POC5: variants seen among roughly 807,000 people sequenced by gnomAD.
POC5 encodes centrosomal protein POC5.
In POC5, 48 loss-of-function variants were observed where a neutral mutation model predicts 62.9. The ratio of observed to expected loss-of-function variants is 0.76; its 90% confidence interval spans 0.61 to 0.97. The LOEUF (loss-of-function observed/expected upper bound fraction) is 0.97, where lower values mean the gene tolerates loss of function less well. Among genes scored for constraint, POC5 ranks in the 50% least tolerant of loss-of-function variants. The pLI is 0.00. For synonymous variants in POC5, 236 were observed against 228.2 expected, an observed-to-expected ratio of 1.03 and a Z score of -0.31; for missense variants, 696 against 679.5, an observed-to-expected ratio of 1.02 and a Z score of -0.27.
At chr5:75,702,024 T>C (rs1016874795) in intron 5 of POC5, among the ~76,000 whole-genome samples, 1 of 152,156 alleles carries the variant, frequency 6.6e-6, no homozygotes, top group Non-Finnish European at 1.5e-5. Flanking sequence ...CAATGGAGCA[T>C]GTAGAACCGT....
intron 5 of POC5, among the ~76,000 whole-genome samples, chr5:75,699,916 C>T (rs1196402132): frequency 6.6e-6 from 1 of 151,790 alleles, no homozygotes; most frequent in Non-Finnish European, 1.5e-5. Flanking sequence ...CATTCTTATA[C>T]ATCAACAACA....
intron 10 of POC5, among the ~76,000 whole-genome samples, chr5:75,679,091 TATCTC>T (rs1316769155): frequency 5.9e-5 from 9 of 152,318 alleles, no homozygotes; most frequent in South Asian, 2.1e-4. Context: ...TATAGATACT[TATCTC>T]AGAGTGTAAA....
chr5:75,690,807 A>T (rs892250118), intron 7 of POC5, among the ~76,000 whole-genome samples: 2 of 152,224 alleles, frequency 1.3e-5, no homozygotes, highest in African/African-American at 4.8e-5. Context: ...TATCCATTAC[A>T]TCATTGCTTT....
At chr5:75,715,194 C>T (rs1777502798) in intron 1 of POC5, among the ~76,000 whole-genome samples, 1 of 151,486 alleles carries the variant, frequency 6.6e-6, no homozygotes, top group Non-Finnish European at 1.5e-5. Flanking sequence ...CCTGTAGTCC[C>T]AGCTACTTGG....
rs752837507 is a variant in POC5 at position 75,690,431 on chromosome 5, T to C, written c.927A>G (p.Glu309=). Reference sequence around the variant, plus strand: ...CATTGGAAATCTGGATACAAACTTCTTCAGCTCTTGCTTGACAAGCTCTTT... The same window carrying C: ...CATTGGAAATCTGGATACAAACTTCCTCAGCTCTTGCTTGACAAGCTCTTT... ...VVERACQARA[E]EVCIQISNDY... Residue 309 remains glutamate (E), a synonymous_variant, in exon 8 of 12, where the codon GAA becomes GAG. Transcript: ENST00000428202. The C allele has an allele frequency of 4.6e-5, 74 of 1,612,528 alleles. No individual in the cohort carries two copies. The highest frequency in any genetic ancestry group is 3.3e-4 in the Middle Eastern group (2 of 6,060).
At chr5:75,691,606 A>G (rs1776341235) in intron 7 of POC5, among the ~76,000 whole-genome samples, 3 of 152,196 alleles carry the variant, frequency 2.0e-5, no homozygotes, top group Admixed American at 2.0e-4. Context: ...CATTTTGGAT[A>G]AGGGATACTC....
chr5:75,714,024 T>G (rs1777451612), intron 1 of POC5, among the ~76,000 whole-genome samples: 1 of 152,218 alleles, frequency 6.6e-6, no homozygotes, highest in Admixed American at 6.5e-5. Flanking sequence ...TATTGAAATA[T>G]TTTTTAAAAG....
At chr5:75,700,730 A>C (rs1277888053) in intron 5 of POC5, among the ~76,000 whole-genome samples, 1 of 141,130 alleles carries the variant, frequency 7.1e-6, no homozygotes, top group Admixed American at 7.1e-5. Context: ...GGATCTAATT[A>C]AACTAAAGAG....
chr5:75,679,257 T>G (rs960050745), intron 10 of POC5, among the ~76,000 whole-genome samples: 1 of 152,190 alleles, frequency 6.6e-6, no homozygotes, highest in African/African-American at 2.4e-5. Flanking sequence ...TTATAACATT[T>G]ACTTATTTTG....
chr5:75,697,393 G>A (rs1204302683), intron 5 of POC5, among the ~76,000 whole-genome samples: 3 of 152,104 alleles, frequency 2.0e-5, no homozygotes, highest in South Asian at 4.2e-4. Context: ...GAGAGTGGGG[G>A]CCAATATTCA....
Position 75,681,967 on chromosome 5 carries a change from C to G in POC5, c.1407+3240G>C, listed in dbSNP as rs912607338. ...ACAAAAACACATATTTGAGGTAAAT[C>G]TGAGTATTTCAACTATATAAGGAAG... On this transcript the variant is annotated intron_variant, in intron 10 of 11. Coordinates refer to ENST00000428202, the MANE Select transcript of POC5 (RefSeq NM_001099271.2). Among the ~76,000 whole-genome samples the G allele has an allele frequency of 9.8e-5, 15 of 152,286 alleles. No homozygotes were observed. The South Asian group carries it at 2.9e-3, about 29-fold the overall frequency.
At chr5:75,675,593 TTTC>T (rs1414485853) in intron 11 of POC5, among the ~76,000 whole-genome samples, 2 of 152,218 alleles carry the variant, frequency 1.3e-5, no homozygotes, top group African/African-American at 2.4e-5. Flanking sequence ...AATAACTTCT[TTTC>T]TTAAAGTATC....
At chr5:75,683,036 A>G (rs1413911643) in intron 10 of POC5, among the ~76,000 whole-genome samples, 1 of 152,214 alleles carries the variant, frequency 6.6e-6, no homozygotes, top group Non-Finnish European at 1.5e-5. Flanking sequence ...ACAGCCGTCC[A>G]GAGCAATGGC....
chr5:75,697,275 T>C (rs372255527), intron 5 of POC5, among the ~76,000 whole-genome samples: 2 of 151,212 alleles, frequency 1.3e-5, no homozygotes, highest in African/African-American at 4.9e-5. Context: ...AAAGTTGAAA[T>C]GAAGGAAAAA....
intron 2 of POC5, chr5:75,712,212 C>G (rs1777375654): frequency 1.1e-6 from 1 of 897,268 alleles, no homozygotes. Context: ...AGCCTTTCCC[C>G]TTGAGTAATA....
intron 5 of POC5, among the ~76,000 whole-genome samples, chr5:75,695,370 T>TA (rs746069010): frequency 5.9e-4 from 89 of 151,372 alleles, no homozygotes; most frequent in Non-Finnish European, 9.4e-4. Context: ...AATTTGTTAT[T>TA]AAAAAAAAAC....
At chr5:75,688,981 T>A in intron 9 of POC5, 31 bp downstream of exon 9, 1 of 1,505,560 alleles carries the variant, frequency 6.6e-7, no homozygotes, top group East Asian at 2.3e-5. Context: ...TTTTTTGAAA[T>A]TAGGCAGAGA....
At chr5:75,690,347 A>T (rs745663817) in intron 8 of POC5, 36 bp downstream of exon 8, 1 of 1,547,828 alleles carries the variant, frequency 6.5e-7, no homozygotes, top group South Asian at 1.2e-5. Flanking sequence ...TTTTTATTGT[A>T]TTAGAAGAAA....
chr5:75,692,635 T>A, intron 6 of POC5, 135 bp from the exon 7 acceptor site: 1 of 441,288 alleles, frequency 2.3e-6, no homozygotes, highest in South Asian at 5.5e-5. Flanking sequence ...AACCTCATTA[T>A]TATCTTTAAA....
Sources: allele counts gnomAD v4.1 joint callset (sites outside exome capture counted in the v4.1 genomes callset), GRCh38; gene constraint gnomAD v4.1.1; transcripts MANE v1.5; gene names NCBI Gene and HGNC (gene_info 2026-07-23, HGNC 2026-07-21).